The following SLC49A3 variants were observed in gnomAD, a reference collection of about 807,000 sequenced individuals.
The protein encoded by SLC49A3 is solute carrier family 49 member 3, also known as solute carrier family 49 member A3.
A neutral mutation model predicts 43.8 loss-of-function variants in SLC49A3; 50 were observed. The ratio of observed to expected loss-of-function variants is 1.14; its 90% CI spans 0.91 to 1.45. The LOEUF is 1.45. SLC49A3 is among the 40% of genes most tolerant of loss of function. The pLI is 0.00. For missense variants in SLC49A3, 906 were observed against 774.1 expected, an observed-to-expected ratio of 1.17 and a Z score of -2.02; for synonymous variants, 413 against 352.0, an observed-to-expected ratio of 1.17 and a Z score of -1.94.
chr4:686,218 C>T lies in SLC49A3; in HGVS notation c.379G>A (p.Ala127Thr), dbSNP rs770927084. The change falls in exon 3 of 10, where the codon GCC becomes ACC. Residue 127 changes from alanine (A) to threonine (T), a missense_variant. Transcript: ENST00000322224. The part of the protein sequence containing the change: ...CMVVGTQNPF[A>T]FLMGGQSLCA... The stretch of plus-strand genomic sequence containing the variant: ...AGGCTCTGGCCACCCATGAGGAAGG[C>T]AAATGGGTTTTGGGTCCCAACAACC... 1.2e-6 allele frequency: 2 copies of T among 1,613,506 alleles called. No individual in the cohort carries two copies. Among genetic ancestry groups the T allele is most frequent in the African/African-American group, 2.7e-5 (2 of 74,942 alleles).
downstream of SLC49A3, chr4:679,813 A>C (rs1577334306): frequency 1.1e-5 from 10 of 892,504 alleles, no homozygotes; most frequent in Admixed American, 2.2e-5. Flanking sequence ...CTCCCTCCCC[A>C]CCCTTCCCAT....
chr4:677,012 G>C (rs1738908130), downstream of SLC49A3: 2 of 836,538 alleles, frequency 2.4e-6, no homozygotes, highest in African/African-American at 1.8e-5. Flanking sequence ...AGTGGCACCT[G>C]TCTTTTTAGC....
In SLC49A3 at chr4:689,098, C is replaced by G. The variant is rs1741612647; in HGVS notation, c.30G>C (p.Gly10=). ...CGCACAGGGCCCGGGGCTCGGCCAA[C>G]CCCGTCTCGGCCTCCGTCGGCCCCG... The part of the protein sequence containing the change: MAGPTEAET[G]LAEPRALCAQ... Residue 10 remains glycine (G), a synonymous_variant, in exon 1 of 10, where the codon GGG becomes GGC. Coordinates refer to ENST00000322224, the MANE Select transcript of SLC49A3 (RefSeq NM_032219.4). 5.4e-6 allele frequency: 8 copies of G among 1,486,166 alleles called. No homozygotes were observed. Among genetic ancestry groups the G allele is most frequent in the African/African-American group, 2.9e-5 (2 of 68,730 alleles). The allele number at this position is 1,486,166 out of a possible 1,614,324, so 92.1% of individuals were successfully genotyped here.
At chr4:676,950 A>G (rs1484395746), downstream of SLC49A3, 21 of 984,942 alleles carry the variant, frequency 2.1e-5, no homozygotes, top group African/African-American at 5.2e-5. Flanking sequence ...GGGGACGCCA[A>G]CTGTGACCAT....
chr4:691,282 C>CAAA (rs71166826), upstream of SLC49A3, among the ~76,000 whole-genome samples: 155 of 115,702 alleles, frequency 1.3e-3, 3 homozygotes, highest in African/African-American at 4.9e-3. Context: ...GACTCTGTCT[C>CAAA]AAAAAAAAAA....
In SLC49A3 at chr4:683,690, A is replaced by G. The variant is rs1740351885; in HGVS notation, c.912T>C (p.Tyr304=). The change falls in exon 7 of 10, where the codon TAT becomes TAC. Residue 304 remains tyrosine (Y), a synonymous_variant. Coordinates refer to ENST00000322224, the MANE Select transcript of SLC49A3 (RefSeq NM_032219.4). Reference sequence around the variant, plus strand: ...CAGTGAAGTGCTTGGTCCGGTCCACATAGGGGCCGAGAGCCAGTGCCCCCA... The same window carrying G: ...CAGTGAAGTGCTTGGTCCGGTCCACGTAGGGGCCGAGAGCCAGTGCCCCCA... ...GILGALALGP[Y]VDRTKHFTEA... 3 of 1,605,426 alleles carry G rather than the reference A, an allele frequency of 1.9e-6. No individual in the cohort carries two copies. In the African/African-American group the frequency reaches 4.0e-5, roughly 21 times the overall value.
chr4:684,443 A>G (rs758712131), intron 6 of SLC49A3, 40 bp downstream of exon 6: 12 of 1,608,608 alleles, frequency 7.5e-6, no homozygotes, highest in Non-Finnish European at 1.0e-5. Flanking sequence ...TATGGGGCGG[A>G]TGACAGAGGC....
At chr4:688,519 C>G (rs1269201599) in intron 1 of SLC49A3, among the ~76,000 whole-genome samples, 1 of 152,214 alleles carries the variant, frequency 6.6e-6, no homozygotes, top group Non-Finnish European at 1.5e-5. Context: ...GCGGGAAAGG[C>G]TGCAGCGTGC....
chr4:683,486 G>A (rs1372719802), intron 7 of SLC49A3, 119 bp from the exon 8 acceptor site: 4 of 1,494,856 alleles, frequency 2.7e-6, no homozygotes, highest in Non-Finnish European at 3.6e-6. Flanking sequence ...GGCCACCCTG[G>A]CTGGCAGAGG....
chr4:679,246 G>T (rs575512611), downstream of SLC49A3: 3 of 676,828 alleles, frequency 4.4e-6, no homozygotes, highest in Non-Finnish European at 8.0e-6. Flanking sequence ...GGGTGGGTGG[G>T]ACAGCCCAAG....
downstream of SLC49A3, among the ~76,000 whole-genome samples, chr4:679,450 G>A (rs1225393388): frequency 1.3e-5 from 2 of 152,006 alleles, no homozygotes; most frequent in African/African-American, 2.4e-5. Flanking sequence ...CTGCAGCACA[G>A]CCCGAGTGTG....
At chr4:686,716 G>A (rs777318999) in intron 1 of SLC49A3, 26 bp from the exon 2 acceptor site, 22 of 1,605,600 alleles carry the variant, frequency 1.4e-5, no homozygotes, top group East Asian at 6.7e-5. Context: ...GGGAGTCAGC[G>A]CAGGGCCACA....
downstream of SLC49A3, among the ~76,000 whole-genome samples, chr4:680,313 C>T (rs375434020): frequency 1.3e-5 from 2 of 152,286 alleles, no homozygotes; most frequent in African/African-American, 4.8e-5. Context: ...ACTCACTACA[C>T]CCCAGGGCAG....
chr4:691,528 G>A (rs1345865363), upstream of SLC49A3, among the ~76,000 whole-genome samples: 2 of 151,938 alleles, frequency 1.3e-5, no homozygotes, highest in East Asian at 3.9e-4. Context: ...CCGGGAGGCA[G>A]AGGTTGCAGT....
intron 6 of SLC49A3, 28 bp downstream of exon 6, chr4:684,455 G>A (rs1262604009): frequency 2.5e-6 from 4 of 1,610,588 alleles, no homozygotes; most frequent in African/African-American, 2.7e-5. Context: ...GACAGAGGCA[G>A]GGTCCCCAGG....
At chr4:680,651 CAAAA>C, downstream of SLC49A3, 1 of 1,533,978 alleles carries the variant, frequency 6.5e-7, no homozygotes, top group Non-Finnish European at 9.0e-7. Context: ...CATCCTGTCC[CAAAA>C]GGGACAGTCA....
intron 8 of SLC49A3, 80 bp from the exon 9 acceptor site, chr4:682,970 C>T (rs972903904): frequency 9.3e-6 from 12 of 1,292,346 alleles, no homozygotes; most frequent in Admixed American, 4.6e-5. Flanking sequence ...ATGTTGACAT[C>T]GGTGCTGTCC....
upstream of SLC49A3, chr4:689,443 A>C (rs1175505187): frequency 1.4e-5 from 3 of 219,272 alleles, no homozygotes; most frequent in East Asian, 2.9e-4. Context: ...GCTTCTCAGC[A>C]GGAAAGGCGG....
chr4:681,495 C>T (rs1379591778), downstream of SLC49A3, among the ~76,000 whole-genome samples: 3 of 149,712 alleles, frequency 2.0e-5, no homozygotes, highest in African/African-American at 7.4e-5. Context: ...GCCGGGCCAC[C>T]CCTCAGGACC....
Sources: allele counts gnomAD v4.1 joint callset (sites outside exome capture counted in the v4.1 genomes callset), GRCh38; gene constraint gnomAD v4.1.1; transcripts MANE v1.5; gene names NCBI Gene and HGNC (gene_info 2026-07-23, HGNC 2026-07-21).